ZFHX3: variants seen among roughly 807,000 people sequenced by gnomAD.
The protein encoded by ZFHX3 is zinc finger homeobox 3, also known as zinc finger homeobox protein 3.
Under a neutral mutation model 279.1 loss-of-function variants are expected in ZFHX3, and 42 were observed. That is an observed-to-expected ratio of 0.15 (90% CI 0.12 to 0.19). ZFHX3 has a LOEUF of 0.19. Ranked by LOEUF, ZFHX3 falls within the 10% of genes least tolerant of loss-of-function variation. ZFHX3 has a pLI of 1.00. For synonymous variants in ZFHX3, 2,293 were observed against 1,957.8 expected (o/e 1.17, Z -4.52); for missense variants, 4,981 against 4,754.0 (o/e 1.05, Z -1.40).
chr16:73,580,196 C>G lies in ZFHX3; in HGVS notation c.-1547+99984G>C, dbSNP rs1162205318. On this transcript the variant is annotated intron_variant, in intron 2 of 17. Transcript: ENST00000641206. Reference sequence around the variant, plus strand: ...AATTTTTCTTTGTAAGAGAAATTTACTGGCCAGGTGCAGTGGCTCATGCCT... The same window carrying G: ...AATTTTTCTTTGTAAGAGAAATTTAGTGGCCAGGTGCAGTGGCTCATGCCT... 2.0e-5 allele frequency among the ~76,000 whole-genome samples: 3 copies of G among 151,894 alleles called. No individual in the cohort carries two copies. The East Asian group carries it at 5.8e-4, about 29-fold the overall frequency.
intron 7 of ZFHX3, among the ~76,000 whole-genome samples, chr16:73,104,221 G>GTATGTATGTATTTATTTATTTATT (rs57972353): frequency 0.01 from 1,554 of 151,618 alleles, 32 homozygotes; most frequent in African/African-American, 0.036. Flanking sequence ...TTTATTTTAT[G>GTATGTATGTATTTATTTATTTATT]TATTTATTTA....
At chr16:72,960,985 C>T (rs1041333975) in intron 1 of ZFHX3, among the ~76,000 whole-genome samples, 3 of 152,126 alleles carry the variant, frequency 2.0e-5, no homozygotes, top group Non-Finnish European at 4.4e-5. Context: ...CCTGTCTCCT[C>T]CACCCATACC....
chr16:73,726,181 G>A (rs898894612), intron 1 of ZFHX3, among the ~76,000 whole-genome samples: 8 of 152,178 alleles, frequency 5.3e-5, no homozygotes, highest in Non-Finnish European at 1.0e-4. Context: ...GTCTAGGGGC[G>A]AGGGGTGATA....
intron 5 of ZFHX3, among the ~76,000 whole-genome samples, chr16:73,191,846 G>C (rs1225216099): frequency 1.3e-5 from 2 of 152,218 alleles, no homozygotes; most frequent in East Asian, 3.9e-4. Context: ...TCTCTGGCTT[G>C]TAGCCGCGGT....
At chr16:72,946,996 C>A (rs1960714067) in intron 3 of ZFHX3, among the ~76,000 whole-genome samples, 1 of 152,312 alleles carries the variant, frequency 6.6e-6, no homozygotes, top group East Asian at 1.9e-4. Context: ...TTCACTGGAG[C>A]CTCTGGGCTT....
At chr16:73,201,288 G>A (rs1344233191) in intron 5 of ZFHX3, among the ~76,000 whole-genome samples, 5 of 152,336 alleles carry the variant, frequency 3.3e-5, no homozygotes, top group African/African-American at 1.2e-4. Flanking sequence ...TGGAAATGAG[G>A]CAAACACAGA....
At chr16:73,542,362 C>A (rs776989000) in intron 2 of ZFHX3, among the ~76,000 whole-genome samples, 1 of 152,042 alleles carries the variant, frequency 6.6e-6, no homozygotes, top group Non-Finnish European at 1.5e-5. Flanking sequence ...TCTAAACATG[C>A]AGAATTTTTT....
chr16:72,840,431 C>T (rs1463632564), intron 4 of ZFHX3, among the ~76,000 whole-genome samples: 2 of 152,158 alleles, frequency 1.3e-5, no homozygotes, highest in Non-Finnish European at 2.9e-5. Context: ...AGGCCCAAGG[C>T]ATTTGCAATG....
At chr16:72,927,778 C>G (rs1959537310) in intron 3 of ZFHX3, among the ~76,000 whole-genome samples, 1 of 152,044 alleles carries the variant, frequency 6.6e-6, no homozygotes, top group Non-Finnish European at 1.5e-5. Context: ...ACCCTGAGGC[C>G]TCCGGAGTGT....
At chr16:72,967,121 A>G (rs752918831) in intron 1 of ZFHX3, among the ~76,000 whole-genome samples, 4 of 152,178 alleles carry the variant, frequency 2.6e-5, no homozygotes, top group Non-Finnish European at 4.4e-5. Flanking sequence ...TAATAAAACA[A>G]TGGGGGAAAT....
chr16:73,060,357 G>C (rs1443673897), upstream of ZFHX3: 2 of 152,034 alleles, frequency 1.3e-5, no homozygotes, highest in African/African-American at 4.8e-5. Flanking sequence ...GAGCCCAAAG[G>C]AGATCCCTGG....
Position 73,012,227 on chromosome 16 carries a change from T to G in ZFHX3, c.-50+35525A>C, listed in dbSNP as rs534176515. On this transcript the variant is annotated intron_variant, in intron 1 of 9. Coordinates refer to ENST00000268489, the MANE Select transcript of ZFHX3 (RefSeq NM_006885.4). ...ACGGGCAGACAGCCTCAAACTCCAT[T>G]CAGCTCCACAGCGCCTCTCCATGAC... 6.6e-5 allele frequency among the ~76,000 whole-genome samples: 10 copies of G among 151,580 alleles called. No individual in the cohort carries two copies. In the South Asian group the frequency reaches 2.1e-3, roughly 32 times the overall value.
intron 8 of ZFHX3, among the ~76,000 whole-genome samples, chr16:73,067,958 A>T (rs946291875): frequency 1.3e-5 from 2 of 152,142 alleles, no homozygotes; most frequent in South Asian, 2.1e-4. Flanking sequence ...TAGGAGATAG[A>T]TGGTAAAGAG....
At chr16:73,615,320 G>A (rs1368712473) in intron 2 of ZFHX3, among the ~76,000 whole-genome samples, 2 of 152,078 alleles carry the variant, frequency 1.3e-5, no homozygotes, top group East Asian at 3.9e-4. Flanking sequence ...GGCTTGGTCA[G>A]GGGTAAGAAA....
intron 2 of ZFHX3, among the ~76,000 whole-genome samples, chr16:73,535,874 C>T (rs1256113863): frequency 6.6e-6 from 1 of 151,926 alleles, no homozygotes; most frequent in Non-Finnish European, 1.5e-5. Context: ...AGGCGCTCCC[C>T]ACTATGCCCG....
intron 2 of ZFHX3, among the ~76,000 whole-genome samples, chr16:73,601,277 C>T (rs573653365): frequency 9.2e-4 from 137 of 149,620 alleles, no homozygotes; most frequent in Middle Eastern, 3.4e-3. Context: ...ATGGTGAAAC[C>T]CCGTCTCTAC....
In ZFHX3 at chr16:72,793,239, C is replaced by T. The variant is rs1220681460; in HGVS notation, c.9427+16G>A. 1 of 1,598,046 alleles carries T rather than the reference C, an allele frequency of 6.3e-7. No homozygotes were observed. On this transcript the variant is annotated intron_variant, in intron 9 of 9. Transcript: ENST00000268489. This position sits in a 1 kb window ranked among gnomAD's most constrained non-coding sequence, Gnocchi z 4.3. ...AGCTATTTAGCCCTGAAACAATCGC[C>T]TAGAGCAGAACCCACCTGTGTTGGA...
intron 3 of ZFHX3, among the ~76,000 whole-genome samples, chr16:73,444,848 G>A (rs1030314897): frequency 8.6e-5 from 13 of 151,882 alleles, no homozygotes; most frequent in Admixed American, 3.9e-4. Context: ...GGCCGGGTGC[G>A]GTGGCTCACG....
chr16:73,851,870 G>A (rs1961601835), intron 1 of ZFHX3, among the ~76,000 whole-genome samples: 1 of 152,096 alleles, frequency 6.6e-6, no homozygotes, highest in Non-Finnish European at 1.5e-5. Flanking sequence ...CCCACCATTT[G>A]GAACTGCTCG....
Sources: allele counts gnomAD v4.1 joint callset (sites outside exome capture counted in the v4.1 genomes callset), GRCh38; gene constraint gnomAD v4.1.1; non-coding constraint Gnocchi (gnomAD v3.1); transcripts MANE v1.5; gene names NCBI Gene and HGNC (gene_info 2026-07-23, HGNC 2026-07-21).